Variants in FBN2 observed in about 807,000 individuals in gnomAD.
FBN2 encodes the protein fibrillin 2.
In FBN2, 105 loss-of-function variants were observed where a neutral mutation model predicts 355.6. The ratio of observed to expected loss-of-function variants is 0.30; its 90% CI spans 0.25 to 0.35. The LOEUF is 0.35. FBN2 is among the 10% of genes least tolerant of loss of function. FBN2 has a pLI of 1.00. For synonymous variants in FBN2, 1,350 were observed against 1,301.2 expected (o/e 1.04, Z -0.81); for missense variants, 3,280 against 3,758.7 (o/e 0.87, Z 3.33).
At chr5:128,501,617 T>G (rs923685833) in intron 5 of FBN2, among the ~76,000 whole-genome samples, 18 of 152,138 alleles carry the variant, frequency 1.2e-4, no homozygotes, top group African/African-American at 4.3e-4. Flanking sequence ...TTTCTTTGTA[T>G]TACAAAGCTA....
intron 63 of FBN2, 99 bp downstream of exon 63, chr5:128,263,326 G>T: frequency 2.2e-6 from 2 of 898,270 alleles, no homozygotes; most frequent in East Asian, 4.8e-5. Flanking sequence ...TTTGCGGTTT[G>T]GCTTTTAGAC....
chr5:128,518,295 T>A (rs1403970515), intron 5 of FBN2, among the ~76,000 whole-genome samples: 2 of 152,120 alleles, frequency 1.3e-5, no homozygotes, highest in Non-Finnish European at 2.9e-5. Flanking sequence ...TTTTCAGCAG[T>A]CTATATAGGT....
Position 128,509,643 on chromosome 5 carries a change from C to T in FBN2, c.628+9630G>A, listed in dbSNP as rs574425669. Among the ~76,000 whole-genome samples, 11 of 123,140 alleles carry T rather than the reference C, an allele frequency of 8.9e-5. No homozygotes were observed. In the South Asian group the frequency reaches 1.5e-3, roughly 17 times the overall value. 80.8% of individuals were successfully genotyped at this position (123,140 alleles called of 152,430 possible). ...TGATTGCAGATATTTGATTAGATAC[C>T]ATGTATTGGGATTTTTTTTACTTTA... On this transcript the variant is annotated intron_variant, in intron 5 of 64. Coordinates refer to ENST00000262464, the MANE Select transcript of FBN2 (RefSeq NM_001999.4).
chr5:128,411,492 G>C (rs564555700), intron 7 of FBN2, among the ~76,000 whole-genome samples: 69 of 152,216 alleles, frequency 4.5e-4, no homozygotes, highest in African/African-American at 1.5e-3. Context: ...CATCCCTAGC[G>C]GAACTCCTCT....
chr5:128,336,288 A>G (rs758697864), intron 27 of FBN2, among the ~76,000 whole-genome samples, 175 bp from the exon 28 acceptor site: 27 of 152,316 alleles, frequency 1.8e-4, no homozygotes, highest in Middle Eastern at 3.4e-3. Context: ...CATCTACAAC[A>G]ATACTGTTGA....
intron 17 of FBN2, 59 bp from the exon 18 acceptor site, chr5:128,364,784 A>G (rs2126940831): frequency 7.0e-6 from 10 of 1,438,130 alleles, no homozygotes; most frequent in Non-Finnish European, 9.8e-6. Context: ...TTGTTGATAA[A>G]TGCAGGTCTA....
At chr5:128,312,011 T>A in intron 37 of FBN2, 58 bp from the exon 38 acceptor site, 1 of 1,202,102 alleles carries the variant, frequency 8.3e-7, no homozygotes, top group Non-Finnish European at 1.2e-6. Flanking sequence ...GCTGAGACAA[T>A]GAGCAAGCAT....
chr5:128,489,069 T>C (rs978928511), intron 5 of FBN2, among the ~76,000 whole-genome samples: 1 of 152,042 alleles, frequency 6.6e-6, no homozygotes, highest in African/African-American at 2.4e-5. Context: ...CCCTGAGGAA[T>C]CGCCGCACTG....
intron 21 of FBN2, among the ~76,000 whole-genome samples, chr5:128,350,459 G>A (rs1289477517): frequency 1.3e-5 from 2 of 152,178 alleles, no homozygotes; most frequent in Non-Finnish European, 2.9e-5. Flanking sequence ...GCTGAGGCAG[G>A]AGAATCGCTT....
chr5:128,268,231 G>A (rs1235712796), intron 62 of FBN2, among the ~76,000 whole-genome samples: 1 of 152,178 alleles, frequency 6.6e-6, no homozygotes, highest in African/African-American at 2.4e-5. Flanking sequence ...TACCATCAGA[G>A]AATACTATAA....
chr5:128,270,118 G>T (rs1765230906), intron 62 of FBN2, among the ~76,000 whole-genome samples: 1 of 152,296 alleles, frequency 6.6e-6, no homozygotes, highest in East Asian at 1.9e-4. Context: ...TCAGTAAATG[G>T]TGCTGGGAAA....
At chr5:128,340,202 G>A (rs1489545938) in intron 25 of FBN2, among the ~76,000 whole-genome samples, 2 of 152,028 alleles carry the variant, frequency 1.3e-5, no homozygotes, top group East Asian at 1.9e-4. Flanking sequence ...CTGTCAGTGG[G>A]GAAAAATGCC....
At chr5:128,520,867 A>G (rs1756413653) in intron 4 of FBN2, among the ~76,000 whole-genome samples, 1 of 151,884 alleles carries the variant, frequency 6.6e-6, no homozygotes, top group African/African-American at 2.4e-5. Flanking sequence ...AGCACTTCCC[A>G]CTCATCATTG....
chr5:128,289,925 T>G lies in FBN2; in HGVS notation c.6468A>C (p.Pro2156=). ...DDEVAFQDLC[P]YGHGTVPSLH... ...GACTAGGGACAGTTCCATGGCCATA[T>G]GGACACAAATCCTGAAATGCAACTA... The change falls in exon 51 of 65, where the codon CCA becomes CCC. Residue 2156 remains proline (P), a synonymous_variant. Transcript: ENST00000262464. 1 of 1,605,176 alleles carries G rather than the reference T, an allele frequency of 6.2e-7. No individual in the cohort carries two copies. The highest frequency in any genetic ancestry group is 8.5e-7 in the Non-Finnish European group (1 of 1,171,956).
intron 7 of FBN2, among the ~76,000 whole-genome samples, chr5:128,413,451 A>G (rs1243267343): frequency 6.6e-6 from 1 of 152,178 alleles, no homozygotes; most frequent in African/African-American, 2.4e-5. Context: ...AGGGCAAAAA[A>G]AGAGAAAGAC....
intron 8 of FBN2, among the ~76,000 whole-genome samples, chr5:128,406,579 A>T (rs1488728624): frequency 2.0e-5 from 3 of 152,146 alleles, no homozygotes; most frequent in Admixed American, 2.0e-4. Context: ...TCACTTGCAC[A>T]TAAGCACTGC....
At chr5:128,301,001 T>G in intron 47 of FBN2, 65 bp from the exon 48 acceptor site, 1 of 1,478,250 alleles carries the variant, frequency 6.8e-7, no homozygotes, top group South Asian at 1.1e-5. Context: ...GATTTATCTG[T>G]CTGCCAAATG....
chr5:128,503,560 T>C (rs1463528925), intron 5 of FBN2, among the ~76,000 whole-genome samples: 2 of 152,018 alleles, frequency 1.3e-5, no homozygotes, highest in Non-Finnish European at 2.9e-5. Flanking sequence ...GGAACTGGAG[T>C]AAATGCCACT....
chr5:128,334,004 G>GA (rs1043266208), intron 31 of FBN2, among the ~76,000 whole-genome samples: 5 of 151,856 alleles, frequency 3.3e-5, no homozygotes, highest in African/African-American at 1.2e-4. Flanking sequence ...CACCTGCCTT[G>GA]AAAAAATATC....
Sources: gnomAD v4.1 joint callset for allele counts (sites outside exome capture counted in the v4.1 genomes callset) on GRCh38, gnomAD v4.1.1 for gene constraint, MANE v1.5 for transcripts, NCBI Gene and HGNC (gene_info 2026-07-23, HGNC 2026-07-21) for gene names.